The following TNS3 variants were observed in gnomAD, a reference collection of about 807,000 sequenced individuals.
TNS3 encodes the protein tensin 3.
TNS3 carries 45 observed loss-of-function variants against 140.9 expected under a neutral mutation model. That is an observed-to-expected ratio of 0.32 (90% CI 0.25 to 0.41). The LOEUF (loss-of-function observed/expected upper bound fraction) is 0.41. TNS3 is among the 10% of genes least tolerant of loss of function. TNS3 has a pLI of 1.00. For missense variants in TNS3, 1,716 were observed against 1,906.7 expected (o/e 0.90, Z 1.86); for synonymous variants, 815 against 788.4 (o/e 1.03, Z -0.56).
intron 2 of TNS3, among the ~76,000 whole-genome samples, chr7:47,510,008 T>C (rs1444749372): frequency 2.6e-5 from 4 of 152,158 alleles, no homozygotes; most frequent in African/African-American, 9.7e-5. Flanking sequence ...CACCTAAAAG[T>C]TTGAACTGCA....
chr7:47,355,855 C>T (rs1044271667), intron 17 of TNS3, among the ~76,000 whole-genome samples: 1 of 152,114 alleles, frequency 6.6e-6, no homozygotes, highest in African/African-American at 2.4e-5. Flanking sequence ...CCCTGAGGCT[C>T]TGCTGGGAAG....
At chr7:47,312,108 A>T (rs1165116436) in intron 20 of TNS3, among the ~76,000 whole-genome samples, 1 of 152,206 alleles carries the variant, frequency 6.6e-6, no homozygotes, top group Admixed American at 6.5e-5. Flanking sequence ...TCTCAAGGCC[A>T]GGCCTGGCAA....
chr7:47,344,178 C>T (rs1789182198), intron 20 of TNS3, among the ~76,000 whole-genome samples: 1 of 152,202 alleles, frequency 6.6e-6, no homozygotes, highest in South Asian at 2.1e-4. Flanking sequence ...GTCCTCAAGT[C>T]CACCCAGAAG....
In TNS3 at chr7:47,275,547, G is replaced by C. The variant is rs1486794937; in HGVS notation, c.*2529C>G. ...GCCTGGAAACGTTCCTTTTCCTGTG[G>C]CCCTAGAGCCGGTGTCCACGGTGGG... On this transcript the variant is annotated 3_prime_UTR_variant, in exon 31 of 31. Coordinates refer to ENST00000311160, the MANE Select transcript of TNS3 (RefSeq NM_022748.12). 1 of 320,724 alleles carries C rather than the reference G, an allele frequency of 3.1e-6. No individual in the cohort carries two copies. The highest frequency in any genetic ancestry group is 6.1e-6 in the Non-Finnish European group (1 of 163,886). The allele number at this position is 320,724 out of a possible 1,614,324, so 19.9% of individuals were successfully genotyped here. A position where few individuals can be genotyped will look rare whatever the true frequency, so the allele number is the denominator to read the frequency against.
chr7:47,412,404 A>C (rs1297511441), intron 12 of TNS3, among the ~76,000 whole-genome samples: 5 of 152,182 alleles, frequency 3.3e-5, no homozygotes, highest in Non-Finnish European at 7.3e-5. Flanking sequence ...AGATCACTTG[A>C]GGTCAGGAGT....
At chr7:47,465,594 A>G (rs1484724612) in intron 4 of TNS3, among the ~76,000 whole-genome samples, 2 of 152,174 alleles carry the variant, frequency 1.3e-5, no homozygotes, top group Non-Finnish European at 2.9e-5. Flanking sequence ...AACCCTAGAT[A>G]TCACATCACT....
chr7:47,579,810 C>A, intron 1 of TNS3: 6 of 984,622 alleles, frequency 6.1e-6, no homozygotes, highest in Non-Finnish European at 7.2e-6. Context: ...GCTGCGACTG[C>A]CAAATGGTAG....
chr7:47,560,835 G>T (rs1800306431), intron 1 of TNS3, among the ~76,000 whole-genome samples: 1 of 152,206 alleles, frequency 6.6e-6, no homozygotes, highest in African/African-American at 2.4e-5. Flanking sequence ...GGCGCCACCA[G>T]ATCCATCTAG....
At chr7:47,345,164 G>A (rs1161500508) in intron 18 of TNS3, 126 bp from the exon 19 acceptor site, 1 of 695,386 alleles carries the variant, frequency 1.4e-6, no homozygotes, top group Admixed American at 2.1e-5. Flanking sequence ...AGTAGGACAA[G>A]GAGGCTGAGG....
chr7:47,489,237 G>A (rs1049770321), intron 3 of TNS3, among the ~76,000 whole-genome samples: 1 of 152,158 alleles, frequency 6.6e-6, no homozygotes, highest in Admixed American at 6.5e-5. Context: ...GAAAGAGAAG[G>A]AAAATTCCCA....
intron 7 of TNS3, among the ~76,000 whole-genome samples, chr7:47,436,322 A>G (rs1795180284): frequency 6.6e-6 from 1 of 152,204 alleles, no homozygotes; most frequent in Admixed American, 6.5e-5. Context: ...TGTTACTCTA[A>G]TGGCTGCAAA....
At chr7:47,445,855 A>G (rs578230274) in intron 4 of TNS3, among the ~76,000 whole-genome samples, 1 of 152,336 alleles carries the variant, frequency 6.6e-6, no homozygotes. Flanking sequence ...CAGGGATACA[A>G]TGTCACTGTA....
chr7:47,518,514 A>G (rs964557321), intron 2 of TNS3, among the ~76,000 whole-genome samples: 1 of 152,054 alleles, frequency 6.6e-6, no homozygotes, highest in Non-Finnish European at 1.5e-5. Flanking sequence ...CTTTCCACGT[A>G]ATGATTTTCT....
At chr7:47,374,183 A>G (rs1484206921) in intron 16 of TNS3, among the ~76,000 whole-genome samples, 1 of 152,260 alleles carries the variant, frequency 6.6e-6, no homozygotes, top group Admixed American at 6.5e-5. Context: ...CCCATGAAGC[A>G]GGAAGCATGG....
intron 1 of TNS3, among the ~76,000 whole-genome samples, chr7:47,559,524 G>A (rs538160888): frequency 6.6e-5 from 10 of 152,198 alleles, no homozygotes; most frequent in African/African-American, 1.9e-4. Flanking sequence ...CCTCAGCCTC[G>A]TCACATCATC....
At chr7:47,496,719 C>T (rs570659621) in intron 3 of TNS3, among the ~76,000 whole-genome samples, 4 of 152,288 alleles carry the variant, frequency 2.6e-5, no homozygotes, top group East Asian at 3.9e-4. Context: ...TGTACCTGCT[C>T]GTCAGGGGCT....
chr7:47,539,556 GC>G (rs1398504427), intron 1 of TNS3: 1 of 181,248 alleles, frequency 5.5e-6, no homozygotes, highest in African/African-American at 2.4e-5. Flanking sequence ...TCTGCTCTGC[GC>G]CCTTGGGCTC....
chr7:47,367,294 C>T (rs1278814230), intron 17 of TNS3, among the ~76,000 whole-genome samples: 1 of 152,234 alleles, frequency 6.6e-6, no homozygotes, highest in South Asian at 2.1e-4. Context: ...CCCAATGCCC[C>T]TCTCTGCCTG....
intron 3 of TNS3, among the ~76,000 whole-genome samples, chr7:47,485,980 G>A (rs1797596841): frequency 6.6e-6 from 1 of 151,686 alleles, no homozygotes; most frequent in African/African-American, 2.4e-5. Context: ...GTGAATGTGG[G>A]TGAGTGTGGG....
Sources: allele counts gnomAD v4.1 joint callset (sites outside exome capture counted in the v4.1 genomes callset), GRCh38; gene constraint gnomAD v4.1.1; transcripts MANE v1.5; gene names NCBI Gene and HGNC (gene_info 2026-07-23, HGNC 2026-07-21).